MTO1: variants seen among roughly 807,000 people sequenced by gnomAD.
MTO1 encodes mitochondrial tRNA translation optimization 1, also known as 5-taurinomethyluridine-[tRNA] synthase subunit MTO1, mitochondrial.
In MTO1, 46 loss-of-function variants were observed where a neutral mutation model predicts 71.6. The ratio of observed to expected loss-of-function variants is 0.64; its 90% confidence interval spans 0.51 to 0.82. The LOEUF (loss-of-function observed/expected upper bound fraction) is 0.82. Ranked by LOEUF, MTO1 falls within the 40% of genes least tolerant of loss-of-function variation. The probability of loss-of-function intolerance (pLI) is 0.00; values close to 1 mark genes in which losing one functional copy is unlikely to be tolerated. For missense variants in MTO1, 773 were observed against 867.5 expected (o/e 0.89, Z 1.37); for synonymous variants, 297 against 312.1 (o/e 0.95, Z 0.51).
chr6:73,470,440 T>C lies in MTO1; in HGVS notation c.536-2925T>C, dbSNP rs1771118009. On this transcript the variant is annotated intron_variant, in intron 3 of 11. Transcript: ENST00000498286. ...CCAGGATGTTCTCGATCTCCTGACCTTGTGGTCCGCCCACCTCGGCCTCCC... is the reference window on the plus strand; with the variant it reads ...CCAGGATGTTCTCGATCTCCTGACCCTGTGGTCCGCCCACCTCGGCCTCCC... Among the ~76,000 whole-genome samples, 3 of 152,100 alleles carry C rather than the reference T, an allele frequency of 2.0e-5. No homozygotes were observed. The South Asian group carries it at 6.2e-4, about 31-fold the overall frequency.
Position 73,500,859 on chromosome 6 carries a change from A to G in MTO1, c.*124A>G. 1 of 811,186 alleles carries G rather than the reference A, an allele frequency of 1.2e-6. No homozygotes were observed. Among genetic ancestry groups the G allele is most frequent in the Non-Finnish European group, 1.7e-6 (1 of 581,900 alleles). 50.2% of individuals were successfully genotyped at this position (811,186 alleles called of 1,614,324 possible). Reference sequence around the variant, plus strand: ...ATTAGGTTACTATGGGTTTGCCATTAATTTCTGAGTGGGACAGAAATTATA... The same window carrying G: ...ATTAGGTTACTATGGGTTTGCCATTGATTTCTGAGTGGGACAGAAATTATA... On this transcript the variant is annotated 3_prime_UTR_variant, in exon 12 of 12. Transcript: ENST00000498286.
rs1051195226 is a variant in MTO1, at chr6:73,501,047, C to T, written c.*312C>T. ...AACTCAACATGCAGATTTGCCTACTCATAGGGACTTTGCCTATTAAGTCTA... is the reference window on the plus strand; with the variant it reads ...AACTCAACATGCAGATTTGCCTACTTATAGGGACTTTGCCTATTAAGTCTA... On this transcript the variant is annotated 3_prime_UTR_variant, in exon 12 of 12. Coordinates refer to ENST00000498286, the MANE Select transcript of MTO1 (RefSeq NM_012123.4). 1.5e-5 allele frequency: 3 copies of T among 193,582 alleles called. No individual in the cohort carries two copies. Among genetic ancestry groups the T allele is most frequent in the African/African-American group, 6.9e-5 (3 of 43,210 alleles). 12.0% of individuals were successfully genotyped at this position (193,582 alleles called of 1,614,324 possible).
At chr6:73,487,916 A>G (rs904937197) in intron 9 of MTO1, 2 of 151,982 alleles carry the variant, frequency 1.3e-5, no homozygotes, top group African/African-American at 2.4e-5. Flanking sequence ...ACTGTTTTCT[A>G]TCGTGATCGC....
rs674708 is a variant in MTO1 at position 73,507,555 on chromosome 6, G to A, written c.*6820G>A. The A allele has an allele frequency of 0.9, 137,556 of 152,280 alleles. 62,272 individuals are homozygous for A. The highest frequency in any genetic ancestry group is 0.95 in the East Asian group (4,939 of 5,182). 9.4% of individuals were successfully genotyped at this position (152,280 alleles called of 1,614,324 possible). ...ATATAACTTAGCCTTGCGAGGTGAT[G>A]TAATTAAAGTCTAACTTCAAGTTGC... On this transcript the variant is annotated 3_prime_UTR_variant, in exon 12 of 12. Transcript: ENST00000498286.
rs750020202 is a variant in MTO1 at position 73,473,565 on chromosome 6, G to C, written c.736G>C (p.Glu246Gln). ...KTGTPPRIAK[E>Q]SINFSILNKH... is the part of the protein sequence containing the mutation. ...TGGGACTCCACCCCGAATTGCCAAA[G>C]AGTCCATTAATTTCAGTATTCTAAA... The change falls in exon 4 of 12, where the codon GAG becomes CAG. Residue 246 changes from glutamate (E) to glutamine (Q), a missense_variant. Transcript: ENST00000498286. 19 of 1,613,918 alleles carry C rather than the reference G, an allele frequency of 1.2e-5. No homozygotes were observed. The Middle Eastern group carries it at 1.8e-3, about 154-fold the overall frequency.
At position 73,471,717 on chromosome 6, in the gene MTO1, C is replaced by T. The variant is rs111550359; in HGVS notation, c.536-1648C>T. On this transcript the variant is annotated intron_variant, in intron 3 of 11. Transcript: ENST00000498286. ...ATAGTCATGAGCCACTGAGCCTGGC[C>T]GATTTAATTTAATATCTTTAAATGC... 2.8e-3 allele frequency: 441 copies of T among 160,294 alleles called. 1 individual carries two copies. The highest frequency in any genetic ancestry group is 9.6e-3 in the African/African-American group (401 of 41,586). The allele number at this position is 160,294 out of a possible 1,614,324, so 9.9% of individuals were successfully genotyped here.
chr6:73,464,835 CAAAAAAAAAAAAAA>C (rs70996805), intron 1 of MTO1, among the ~76,000 whole-genome samples: 1 of 28,354 alleles, frequency 3.5e-5, no homozygotes, highest in African/African-American at 1.4e-4. Context: ...AACTCTGTCT[CAAAAAAAAAAAAAA>C]AAAAAAAAAA....
Position 73,480,084 on chromosome 6 carries a change from A to T in MTO1, c.1087A>T (p.Thr363Ser), listed in dbSNP as rs1322914397. The T allele has an allele frequency of 1.2e-6, 2 of 1,614,126 alleles. No homozygotes were observed. Among genetic ancestry groups the T allele is most frequent in the South Asian group, 2.2e-5 (2 of 91,070 alleles). ...AGCTGAGTTACAAGAGAAAATGATC[A>T]CATGCATCAGAGGCTTGGAGAAAGC... is the stretch of plus-strand genomic sequence containing the variant. ...LPAELQEKMI[T>S]CIRGLEKAKV... The change falls in exon 6 of 12, where the codon ACA (threonine) becomes TCA (serine). Residue 363 changes from threonine (T) to serine (S), a missense_variant. Physicochemically the swap from Thr to Ser is moderately conservative, Grantham distance 58. Coordinates refer to ENST00000498286, the MANE Select transcript of MTO1 (RefSeq NM_012123.4).
chr6:73,498,402 G>A (rs1250580476), intron 11 of MTO1, among the ~76,000 whole-genome samples: 2 of 150,404 alleles, frequency 1.3e-5, no homozygotes, highest in East Asian at 1.9e-4. Flanking sequence ...GATAGTACAC[G>A]TGTATGGCTT....
Position 73,505,087 on chromosome 6 carries a change from G to A in MTO1, c.*4352G>A, listed in dbSNP as rs938730785. ...TAATCCGAGCTACTCAGGTGGCTGA[G>A]GCACAAGAATCGCTTGAACCTGGGA... is the stretch of plus-strand genomic sequence containing the variant. On this transcript the variant is annotated 3_prime_UTR_variant, in exon 12 of 12. Coordinates refer to ENST00000498286, the MANE Select transcript of MTO1 (RefSeq NM_012123.4). The A allele has an allele frequency of 6.6e-6, 1 of 152,114 alleles. No homozygotes were observed. The highest frequency in any genetic ancestry group is 2.4e-5 in the African/African-American group (1 of 41,372). 9.4% of individuals were successfully genotyped at this position (152,114 alleles called of 1,614,324 possible). A position where few individuals can be genotyped will look rare whatever the true frequency, so the allele number is the denominator to read the frequency against.
chr6:73,485,046 C>CA (rs56004560), intron 9 of MTO1, among the ~76,000 whole-genome samples: 17,980 of 104,892 alleles, frequency 0.17, 1,325 homozygotes, highest in East Asian at 0.27. Flanking sequence ...GTCTCTGTAT[C>CA]AAAAAAAAAA....
rs145658455 is a variant in MTO1 at position 73,480,079 on chromosome 6, T to C, written c.1082T>C (p.Met361Thr). 1.3e-4 allele frequency: 215 copies of C among 1,613,960 alleles called. No homozygotes were observed. The African/African-American group carries it at 2.5e-3, about 19-fold the overall frequency. ...CTACCAGCTGAGTTACAAGAGAAAA[T>C]GATCACATGCATCAGAGGCTTGGAG... ...MTLPAELQEK[M>T]ITCIRGLEKA... The change falls in exon 6 of 12, where the codon ATG (methionine) becomes ACG (threonine). Residue 361 changes from methionine (M) to threonine (T), a missense_variant. Physicochemically the swap from Met to Thr is moderately conservative, Grantham distance 81. Transcript: ENST00000498286.
intron 9 of MTO1, 131 bp from the exon 10 acceptor site, chr6:73,492,103 C>CA (rs5877369): frequency 1.1e-3 from 519 of 484,858 alleles, no homozygotes; most frequent in Admixed American, 4.4e-3. Flanking sequence ...GACTCCATCT[C>CA]AAAAAAAAAA....
Position 73,492,302 on chromosome 6 carries a change from TGAA to T in MTO1, c.1711_1713del (p.Lys571del), listed in dbSNP as rs1771834239. The T allele has an allele frequency of 1.9e-6, 3 of 1,613,828 alleles. No individual in the cohort carries two copies. The highest frequency in any genetic ancestry group is 2.5e-6 in the Non-Finnish European group (3 of 1,179,796). ...TTAGCCAAGGCTGTTCCAGAGCCCT[TGAA>T]GAAGTATACTAAATGTAGAGAGCTG... On this transcript the variant is annotated inframe_deletion, in exon 10 of 12. Coordinates refer to ENST00000498286, the MANE Select transcript of MTO1 (RefSeq NM_012123.4).
chr6:73,501,069 T>C lies in MTO1; in HGVS notation c.*334T>C. 1 of 172,352 alleles carries C rather than the reference T, an allele frequency of 5.8e-6. No individual in the cohort carries two copies. The highest frequency in any genetic ancestry group is 1.2e-5 in the Non-Finnish European group (1 of 82,028). The allele number at this position is 172,352 out of a possible 1,614,324, so 10.7% of individuals were successfully genotyped here. A position where few individuals can be genotyped will look rare whatever the true frequency, so the allele number is the denominator to read the frequency against. On this transcript the variant is annotated 3_prime_UTR_variant, in exon 12 of 12. Transcript: ENST00000498286. ...ACTCATAGGGACTTTGCCTATTAAGTCTACCAAATTAAAAGTCTTATCATT... is the reference window on the plus strand; with the variant it reads ...ACTCATAGGGACTTTGCCTATTAAGCCTACCAAATTAAAAGTCTTATCATT...
intron 4 of MTO1, among the ~76,000 whole-genome samples, chr6:73,475,046 T>G (rs1771271213): frequency 6.6e-6 from 1 of 152,128 alleles, no homozygotes; most frequent in Admixed American, 6.6e-5. Context: ...TGAGCCACCG[T>G]GCCTGGCAAA....
At chr6:73,470,968 GAT>G (rs1234800474) in intron 3 of MTO1, among the ~76,000 whole-genome samples, 1 of 151,818 alleles carries the variant, frequency 6.6e-6, no homozygotes, top group African/African-American at 2.4e-5. Flanking sequence ...AAAAAAAAAA[GAT>G]AGTCTGTCTC....
chr6:73,475,271 G>T (rs1015635115), intron 4 of MTO1, among the ~76,000 whole-genome samples: 3 of 151,660 alleles, frequency 2.0e-5, no homozygotes, highest in African/African-American at 7.3e-5. Context: ...TCAAATAGGC[G>T]TTTTTTGTTT....
intron 1 of MTO1, among the ~76,000 whole-genome samples, chr6:73,464,456 T>C (rs905259248): frequency 6.6e-6 from 1 of 151,998 alleles, no homozygotes; most frequent in Non-Finnish European, 1.5e-5. Flanking sequence ...CACAGTGCTA[T>C]CCAGTCTCCC....
Sources: gnomAD v4.1 joint callset for allele counts (sites outside exome capture counted in the v4.1 genomes callset) on GRCh38, gnomAD v4.1.1 for gene constraint, MANE v1.5 for transcripts, NCBI Gene and HGNC (gene_info 2026-07-23, HGNC 2026-07-21) for gene names.